Variants in CLK1 observed in about 807,000 individuals in gnomAD.
CLK1 encodes the protein CDC like kinase 1, also known as dual specificity protein kinase CLK1.
In CLK1, 40 loss-of-function variants were observed where a neutral mutation model predicts 60.9. The observed-to-expected ratio is 0.66, with a 90% CI of 0.51 to 0.86. The LOEUF is 0.86. Ranked by LOEUF, CLK1 falls within the 40% of genes least tolerant of loss-of-function variation. The probability of loss-of-function intolerance (pLI) is 0.00; values close to 1 mark genes in which losing one functional copy is unlikely to be tolerated. For missense variants in CLK1, 563 were observed against 606.1 expected (o/e 0.93, Z 0.75); for synonymous variants, 203 against 184.4 (o/e 1.10, Z -0.82).
At chr2:200,860,722 A>T in intron 3 of CLK1, 1 of 999,596 alleles carries the variant, frequency 1.0e-6, no homozygotes, top group Non-Finnish European at 1.2e-6. Flanking sequence ...GAATAACACT[A>T]CGGCATTTTT....
intron 11 of CLK1, 89 bp from the exon 12 acceptor site, chr2:200,854,082 C>T (rs2038997655): frequency 1.3e-5 from 11 of 820,642 alleles, no homozygotes; most frequent in Admixed American, 2.4e-5. Flanking sequence ...TTTCCCAGAT[C>T]ACTTTTCTAG....
At position 200,857,785 on chromosome 2, in the gene CLK1, AT is replaced by A; in HGVS notation, c.764del (p.Asn255MetfsTer22). On this transcript the variant is annotated frameshift_variant, in exon 7 of 13. Transcript: ENST00000321356. LOFTEE classifies it high-confidence loss of function. ...GLSTYDFIKE[N>X]GFLPFRLDHI... ...GATCCAGTCGAAATGGTAGAAAACC[AT>A]TTTCTTTAATGAAGTCGTAAGTACT... The A allele has an allele frequency of 1.9e-6, 3 of 1,613,354 alleles. No individual in the cohort carries two copies. Among genetic ancestry groups the A allele is most frequent in the Non-Finnish European group, 2.5e-6 (3 of 1,179,648 alleles).
In CLK1 at chr2:200,854,843, A is replaced by C. The variant is rs923213694; in HGVS notation, c.1141-148T>G. On this transcript the variant is annotated intron_variant, in intron 10 of 12. Coordinates refer to ENST00000321356, the MANE Select transcript of CLK1 (RefSeq NM_004071.4). ...GACACGGATAATTGCTTATATACTG[A>C]AAGATGTTTTAAATAAAACAATTAT... 3.9e-6 allele frequency: 3 copies of C among 771,950 alleles called. No individual in the cohort carries two copies. The African/African-American group carries it at 5.3e-5, about 14-fold the overall frequency. The allele number at this position is 771,950 out of a possible 1,614,324, so 47.8% of individuals were successfully genotyped here.
intron 1 of CLK1, among the ~76,000 whole-genome samples, chr2:200,862,803 G>C (rs1414919140): frequency 6.6e-6 from 1 of 152,226 alleles, no homozygotes; most frequent in Non-Finnish European, 1.5e-5. Flanking sequence ...TATCTGAGTT[G>C]CTGACAGAAT....
chr2:200,857,029 C>T (rs773966023), intron 7 of CLK1, 44 bp from the exon 8 acceptor site: 4 of 1,494,456 alleles, frequency 2.7e-6, no homozygotes, highest in Non-Finnish European at 3.7e-6. Context: ...AACACCAAAC[C>T]AAACCAAATC....
chr2:200,853,888 G>C lies in CLK1; in HGVS notation c.1311+15C>G, dbSNP rs780548882. The C allele has an allele frequency of 1.9e-6, 3 of 1,575,990 alleles. No individual in the cohort carries two copies. In the East Asian group the frequency reaches 6.8e-5, roughly 36 times the overall value. On this transcript the variant is annotated intron_variant, in intron 12 of 12. Transcript: ENST00000321356. ...ACTCAGTTTTGACTATTTGAGCAATGTCTCAAAGGCTTACCTTCAGAGGTT... is the reference window on the plus strand; with the variant it reads ...ACTCAGTTTTGACTATTTGAGCAATCTCTCAAAGGCTTACCTTCAGAGGTT...
intron 5 of CLK1, 44 bp from the exon 6 acceptor site, chr2:200,858,133 G>T: frequency 8.1e-7 from 1 of 1,231,972 alleles, no homozygotes; most frequent in Non-Finnish European, 1.2e-6. Flanking sequence ...CAGACATGAT[G>T]CTCAATTCCA....
At position 200,860,232 on chromosome 2, in the gene CLK1, G is replaced by A; in HGVS notation, c.391-17C>T. The A allele has an allele frequency of 1.2e-6, 2 of 1,613,540 alleles. No individual in the cohort carries two copies. Among genetic ancestry groups the A allele is most frequent in the Middle Eastern group, 1.7e-4 (1 of 6,058 alleles). ...GTGACTCTTCTGGAAACGTCAAGTG[G>A]GCGGCACCAAGATCATCCAGCCAAT... On this transcript the variant is annotated splice_polypyrimidine_tract_variant and intron_variant, in intron 3 of 12. Transcript: ENST00000321356.
chr2:200,857,407 T>C (rs1389183159), intron 7 of CLK1: 1 of 269,476 alleles, frequency 3.7e-6, no homozygotes. Context: ...ACTTACTACC[T>C]CTTATGAAGC....
chr2:200,861,312 CAGA>C lies in CLK1; in HGVS notation c.313_315del (p.Ser105del). On this transcript the variant is annotated inframe_deletion, in exon 3 of 13. Coordinates refer to ENST00000321356, the MANE Select transcript of CLK1 (RefSeq NM_004071.4). ...TTATAACTACTTCTTCCACTTCTAC[CAGA>C]AGACTTGCTACTATGGTTCTGATAC... 6.2e-7 allele frequency: 1 copy of C among 1,614,072 alleles called. No individual in the cohort carries two copies. The highest frequency in any genetic ancestry group is 8.5e-7 in the Non-Finnish European group (1 of 1,180,004).
At chr2:200,855,627 C>A (rs1323922166) in intron 9 of CLK1, among the ~76,000 whole-genome samples, 2 of 148,472 alleles carry the variant, frequency 1.3e-5, no homozygotes, top group African/African-American at 4.9e-5. Flanking sequence ...TCCGCCCCCC[C>A]CCCAAAAAAT....
In CLK1 at chr2:200,859,680, G is replaced by A. The variant is rs752647064; in HGVS notation, c.548C>T (p.Ala183Val). ...AGTAATCCCAACATGGGAAACTTACGCTTTATGATCGATGCACTCCACAAC... is the reference window on the plus strand; with the variant it reads ...AGTAATCCCAACATGGGAAACTTACACTTTATGATCGATGCACTCCACAAC... ...GKVVECIDHK[A>V]GGRHVAVKIV... The change falls in exon 5 of 13, where the codon GCG becomes GTG. Residue 183 changes from alanine to valine, a missense_variant and splice_region_variant. Coordinates refer to ENST00000321356, the MANE Select transcript of CLK1 (RefSeq NM_004071.4). 58 of 1,610,902 alleles carry A rather than the reference G, an allele frequency of 3.6e-5. No individual in the cohort carries two copies. The Middle Eastern group carries it at 4.9e-4, about 14-fold the overall frequency.
At position 200,853,167 on chromosome 2, in the gene CLK1, A is replaced by G. The variant is rs890046270; in HGVS notation, c.*139T>C. On this transcript the variant is annotated 3_prime_UTR_variant, in exon 13 of 13. Transcript: ENST00000321356. Reference sequence around the variant, plus strand: ...ATTACCTTAGCTATGTACTTAATGAACCAAATTACCCAAACAAAATAAACA... The same window carrying G: ...ATTACCTTAGCTATGTACTTAATGAGCCAAATTACCCAAACAAAATAAACA... 9.7e-6 allele frequency: 6 copies of G among 616,322 alleles called. No individual in the cohort carries two copies. The highest frequency in any genetic ancestry group is 1.6e-5 in the Non-Finnish European group (6 of 376,388). The allele number at this position is 616,322 out of a possible 1,614,324, so 38.2% of individuals were successfully genotyped here.
intron 1 of CLK1, among the ~76,000 whole-genome samples, chr2:200,862,451 A>G (rs1004518955): frequency 6.6e-6 from 1 of 151,548 alleles, no homozygotes; most frequent in African/African-American, 2.4e-5. Context: ...GTTCTTTGTA[A>G]TTCTCCCCGC....
chr2:200,856,298 C>A (rs1330307792), intron 9 of CLK1, among the ~76,000 whole-genome samples: 2 of 152,076 alleles, frequency 1.3e-5, no homozygotes, highest in Non-Finnish European at 2.9e-5. Flanking sequence ...TCTCGATTTC[C>A]TGACCATGTG....
intron 3 of CLK1, chr2:200,860,806 AAAG>A: frequency 2.9e-6 from 3 of 1,028,744 alleles, no homozygotes; most frequent in Non-Finnish European, 3.5e-6. Flanking sequence ...TTGCTTAGTG[AAAG>A]AAGGGTTAGA....
chr2:200,857,645 C>T, intron 7 of CLK1, 73 bp downstream of exon 7: 1 of 1,277,318 alleles, frequency 7.8e-7, no homozygotes, highest in East Asian at 2.4e-5. Flanking sequence ...AAATTGTACA[C>T]ACTTAGGATG....
At chr2:200,862,835 T>C (rs917272621) in intron 1 of CLK1, among the ~76,000 whole-genome samples, 3 of 152,230 alleles carry the variant, frequency 2.0e-5, no homozygotes, top group Non-Finnish European at 4.4e-5. Flanking sequence ...AGCATTTCCG[T>C]AAACGGACAA....
intron 7 of CLK1, 47 bp downstream of exon 7, chr2:200,857,671 G>T: frequency 6.7e-7 from 1 of 1,483,232 alleles, no homozygotes; most frequent in South Asian, 1.4e-5. Flanking sequence ...TTTGATATGT[G>T]GAATGGATAA....
Sources: gnomAD v4.1 joint callset for allele counts (sites outside exome capture counted in the v4.1 genomes callset) on GRCh38, gnomAD v4.1.1 for gene constraint, MANE v1.5 for transcripts, NCBI Gene and HGNC (gene_info 2026-07-23, HGNC 2026-07-21) for gene names.